The following PALD1 variants were observed in gnomAD, a reference collection of about 807,000 sequenced individuals.
PALD1 encodes paladin.
A neutral mutation model predicts 96.0 loss-of-function variants in PALD1; 57 were observed. That is an observed-to-expected ratio of 0.59 (90% CI 0.48 to 0.74). The LOEUF is 0.74. Among genes scored for constraint, PALD1 ranks in the 30% least tolerant of loss-of-function variants. The pLI, the probability that PALD1 is intolerant of heterozygous loss-of-function variation, is 0.00. For synonymous variants in PALD1, 464 were observed against 473.6 expected, an observed-to-expected ratio of 0.98 and a Z score of 0.26; for missense variants, 1,063 against 1,143.7, an observed-to-expected ratio of 0.93 and a Z score of 1.02.
In PALD1 at chr10:70,479,049, C is replaced by T. The variant is rs902708898; in HGVS notation, c.-40C>T. The T allele has an allele frequency of 4.6e-5, 7 of 152,124 alleles. No individual in the cohort carries two copies. The highest frequency in any genetic ancestry group is 7.4e-5 in the Non-Finnish European group (5 of 68,010). 9.4% of individuals were successfully genotyped at this position (152,124 alleles called of 1,614,324 possible). ...GGAGCACGGATGCCCCCCGGAGCCG[C>T]GGGCTGGCAGGTACCGAAGTGTCCT... On this transcript the variant is annotated 5_prime_UTR_variant, in exon 1 of 20. Transcript: ENST00000263563.
the PALD1 span, among the ~76,000 whole-genome samples, chr10:70,460,729 C>T: frequency 6.6e-6 from 1 of 152,200 alleles, no homozygotes; most frequent in African/African-American, 2.4e-5. Context: ...CTCACTGAAA[C>T]CCTTCAGTGC....
At chr10:70,470,527 TTTTTTATTATATAATAAATAATA>T in the PALD1 span, among the ~76,000 whole-genome samples, 90 of 146,936 alleles carry the variant, frequency 6.1e-4, no homozygotes, top group Non-Finnish European at 8.2e-4. Context: ...TGATTTATTA[TTTTTTATTATATAATAAATAATA>T]TTTTTATTAT....
chr10:70,487,595 A>C (rs984474415), intron 1 of PALD1, among the ~76,000 whole-genome samples: 1 of 151,636 alleles, frequency 6.6e-6, no homozygotes, highest in Non-Finnish European at 1.5e-5. Flanking sequence ...TACAACCACC[A>C]CTTCTATCAC....
At chr10:70,486,425 C>G (rs1236838354) in intron 1 of PALD1, 1 of 152,458 alleles carries the variant, frequency 6.6e-6, no homozygotes, top group African/African-American at 2.4e-5. Flanking sequence ...AGGGACAGCC[C>G]TCTATCAGGG....
intron 1 of PALD1, among the ~76,000 whole-genome samples, chr10:70,517,774 G>A (rs1846648797): frequency 6.6e-6 from 1 of 152,114 alleles, no homozygotes; most frequent in Admixed American, 6.5e-5. Flanking sequence ...CCTGCTGTCT[G>A]CCCCTGCAGT....
chr10:70,528,285 C>T (rs571037548), intron 2 of PALD1, among the ~76,000 whole-genome samples: 2 of 152,304 alleles, frequency 1.3e-5, no homozygotes, highest in East Asian at 3.9e-4. Context: ...AGTGTTTGGA[C>T]TTTTACCTGG....
At chr10:70,527,695 G>A (rs144695879) in intron 2 of PALD1, among the ~76,000 whole-genome samples, 1 of 152,188 alleles carries the variant, frequency 6.6e-6, no homozygotes, top group Admixed American at 6.5e-5. Flanking sequence ...CATGGGTCAC[G>A]TGGTAACAAG....
At chr10:70,554,044 G>A (rs560054810) in intron 18 of PALD1, among the ~76,000 whole-genome samples, 6 of 152,326 alleles carry the variant, frequency 3.9e-5, no homozygotes, top group East Asian at 1.9e-4. Flanking sequence ...AGCCCACGGC[G>A]GTGCCCCTCT....
intron 9 of PALD1, 49 bp from the exon 10 acceptor site, chr10:70,534,690 C>A: frequency 1.5e-6 from 2 of 1,356,626 alleles, no homozygotes; most frequent in South Asian, 1.2e-5. Flanking sequence ...CTTGACCCTG[C>A]TCCCCACCCC....
intron 10 of PALD1, 34 bp downstream of exon 10, chr10:70,534,877 T>G (rs1464203730): frequency 1.5e-6 from 2 of 1,373,918 alleles, no homozygotes; most frequent in South Asian, 2.4e-5. Context: ...GCACTCTGCT[T>G]CTCTGTGAGC....
chr10:70,557,032 A>G, intron 18 of PALD1, among the ~76,000 whole-genome samples: 1 of 152,114 alleles, frequency 6.6e-6, no homozygotes, highest in East Asian at 1.9e-4. Flanking sequence ...GGAAAACCTG[A>G]CTCTACCTTT....
chr10:70,500,054 A>T (rs1439891107), intron 1 of PALD1, among the ~76,000 whole-genome samples: 1 of 152,162 alleles, frequency 6.6e-6, no homozygotes, highest in Non-Finnish European at 1.5e-5. Context: ...GTGTTGAAGC[A>T]TAGAGAGGTG....
At chr10:70,537,179 C>G (rs777621192) in intron 10 of PALD1, among the ~76,000 whole-genome samples, 4 of 151,924 alleles carry the variant, frequency 2.6e-5, no homozygotes, top group African/African-American at 7.3e-5. Context: ...GAGATCATAG[C>G]TCACTGGAGC....
At chr10:70,559,341 C>G (rs1847685247) in intron 18 of PALD1, among the ~76,000 whole-genome samples, 1 of 151,946 alleles carries the variant, frequency 6.6e-6, no homozygotes, top group Admixed American at 6.6e-5. Context: ...AACTGGAGGG[C>G]AGGAGAGGAG....
chr10:70,508,664 C>G (rs1047334701), intron 1 of PALD1, among the ~76,000 whole-genome samples: 1 of 152,160 alleles, frequency 6.6e-6, no homozygotes, highest in Admixed American at 6.5e-5. Flanking sequence ...TCCGGCCACC[C>G]GTGGACCCCA....
chr10:70,491,874 C>T (rs1448852629), intron 1 of PALD1, among the ~76,000 whole-genome samples: 2 of 152,196 alleles, frequency 1.3e-5, no homozygotes, highest in Non-Finnish European at 2.9e-5. Flanking sequence ...GCTTTTTTCA[C>T]TTAGCATAGT....
At position 70,540,470 on chromosome 10, in the gene PALD1, G is replaced by A. The variant is rs1847218632; in HGVS notation, c.1909-632G>A. Among the ~76,000 whole-genome samples the A allele has an allele frequency of 6.6e-6, 1 of 151,988 alleles. No individual in the cohort carries two copies. Among genetic ancestry groups the A allele is most frequent in the Non-Finnish European group, 1.5e-5 (1 of 67,974 alleles). On this transcript the variant is annotated intron_variant, in intron 15 of 19. Coordinates refer to ENST00000263563, the MANE Select transcript of PALD1 (RefSeq NM_014431.3). This position sits in a 1 kb window ranked among gnomAD's most constrained non-coding sequence, Gnocchi z 4.2. ...GTGACTGTGGGTGTCTGTATAGTGT[G>A]TGTGTTTACCGGACGTGGATCCCTG...
chr10:70,487,414 T>C (rs1846031650), intron 1 of PALD1, among the ~76,000 whole-genome samples: 1 of 151,986 alleles, frequency 6.6e-6, no homozygotes, highest in Non-Finnish European at 1.5e-5. Context: ...ATTACAGGCG[T>C]GAACCACCGC....
chr10:70,561,807 C>T (rs1847743186), intron 18 of PALD1, among the ~76,000 whole-genome samples: 1 of 152,178 alleles, frequency 6.6e-6, no homozygotes, highest in South Asian at 2.1e-4. Context: ...ATTCTCGGGC[C>T]CCCTTCCTGC....
Sources: gnomAD v4.1 joint callset for allele counts (sites outside exome capture counted in the v4.1 genomes callset) on GRCh38, gnomAD v4.1.1 for gene constraint, Gnocchi (gnomAD v3.1) non-coding constraint, MANE v1.5 for transcripts, NCBI Gene and HGNC (gene_info 2026-07-23, HGNC 2026-07-21) for gene names.